Variants in NKAIN3 observed in about 807,000 individuals in gnomAD.
The protein encoded by NKAIN3 is sodium/potassium-transporting ATPase subunit beta-1-interacting protein 3.
Under a neutral mutation model 30.2 loss-of-function variants are expected in NKAIN3, and 25 were observed. The observed-to-expected ratio is 0.83, with a 90% CI of 0.60 to 1.16. NKAIN3 has a LOEUF of 1.16. Ranked by LOEUF, NKAIN3 falls within the 50% of genes most tolerant of loss-of-function variation. The pLI is 0.00. For synonymous variants in NKAIN3, 91 were observed against 89.6 expected (o/e 1.02, Z -0.09); for missense variants, 225 against 254.1 (o/e 0.89, Z 0.78).
At chr8:62,404,320 G>A (rs1348982060) in intron 1 of NKAIN3, among the ~76,000 whole-genome samples, 1 of 152,140 alleles carries the variant, frequency 6.6e-6, no homozygotes, top group Non-Finnish European at 1.5e-5. Context: ...TTTGAAATGC[G>A]AGGACATGAG....
At chr8:62,912,845 G>A (rs35187745) in intron 4 of NKAIN3, among the ~76,000 whole-genome samples, 16,058 of 152,050 alleles carry the variant, frequency 0.11, 945 homozygotes, top group East Asian at 0.17. Context: ...GGAGGCAGAG[G>A]TTTTGGTGAG....
At chr8:62,777,304 C>A (rs1395951343) in intron 4 of NKAIN3, among the ~76,000 whole-genome samples, 1 of 152,126 alleles carries the variant, frequency 6.6e-6, no homozygotes, top group Non-Finnish European at 1.5e-5. Flanking sequence ...TCTCTGTCTA[C>A]CTCCACTTTA....
intron 1 of NKAIN3, among the ~76,000 whole-genome samples, chr8:62,550,622 C>G (rs947519486): frequency 6.6e-6 from 1 of 152,148 alleles, no homozygotes; most frequent in Non-Finnish European, 1.5e-5. Context: ...GAGTAAAGTT[C>G]TCAAGGAAAA....
intron 3 of NKAIN3, among the ~76,000 whole-genome samples, chr8:62,734,971 C>T (rs1815601311): frequency 6.6e-6 from 1 of 152,168 alleles, no homozygotes; most frequent in Non-Finnish European, 1.5e-5. Flanking sequence ...TAGAAATCTG[C>T]GTTAATATGA....
intron 3 of NKAIN3, among the ~76,000 whole-genome samples, chr8:62,717,379 ATGTGTTGCTT>A (rs1390022506): frequency 2.4e-4 from 36 of 152,268 alleles, no homozygotes; most frequent in Admixed American, 7.8e-4. Context: ...CCTATGCTTT[ATGTGTTGCTT>A]TCATCAATTA....
rs552621157 is a variant in NKAIN3, at chr8:62,769,061, C to G, written c.471+21932C>G. 2.0e-5 allele frequency among the ~76,000 whole-genome samples: 3 copies of G among 152,260 alleles called. No individual in the cohort carries two copies. The East Asian group carries it at 5.8e-4, about 29-fold the overall frequency. ...CAATTGGCACTCTTGAAAATAAAAACCCATCTGTCCAAAACCATTTTTTCA... is the reference window on the plus strand; with the variant it reads ...CAATTGGCACTCTTGAAAATAAAAAGCCATCTGTCCAAAACCATTTTTTCA... On this transcript the variant is annotated intron_variant, in intron 4 of 6. Coordinates refer to ENST00000623646, the MANE Select transcript of NKAIN3 (RefSeq NM_001304533.3).
At chr8:62,746,714 A>G (rs1563543322) in intron 3 of NKAIN3, among the ~76,000 whole-genome samples, 1 of 152,236 alleles carries the variant, frequency 6.6e-6, no homozygotes, top group Non-Finnish European at 1.5e-5. Flanking sequence ...AAATGTTAAT[A>G]GTAATCAAAG....
chr8:62,631,061 G>A (rs1811942808), intron 3 of NKAIN3, among the ~76,000 whole-genome samples: 1 of 151,970 alleles, frequency 6.6e-6, no homozygotes. Flanking sequence ...CATTCCAATG[G>A]AGCTGCTCTC....
intron 1 of NKAIN3, among the ~76,000 whole-genome samples, chr8:62,295,801 T>C (rs1813807696): frequency 6.9e-6 from 1 of 143,914 alleles, no homozygotes; most frequent in Admixed American, 7.0e-5. Context: ...TTAATTATAT[T>C]TGTTTGTTTG....
chr8:62,315,867 C>A (rs1168154791), intron 1 of NKAIN3, among the ~76,000 whole-genome samples: 2 of 152,188 alleles, frequency 1.3e-5, no homozygotes, highest in African/African-American at 4.8e-5. Flanking sequence ...AAACAATTTT[C>A]TTCATGGCTT....
intron 1 of NKAIN3, among the ~76,000 whole-genome samples, chr8:62,571,857 C>T (rs891387165): frequency 1.3e-5 from 2 of 152,104 alleles, no homozygotes; most frequent in Non-Finnish European, 2.9e-5. Flanking sequence ...AATCCCTAGG[C>T]TGCACACAGC....
intron 1 of NKAIN3, among the ~76,000 whole-genome samples, chr8:62,393,405 A>G (rs541925071): frequency 1.3e-5 from 2 of 151,980 alleles, no homozygotes; most frequent in Non-Finnish European, 2.9e-5. Flanking sequence ...AAACCCATCT[A>G]CAATATAATA....
chr8:62,631,487 G>A (rs1811958149), intron 3 of NKAIN3, among the ~76,000 whole-genome samples: 1 of 152,122 alleles, frequency 6.6e-6, no homozygotes, highest in Non-Finnish European at 1.5e-5. Flanking sequence ...ATATGGTCAT[G>A]CCATTTCTGT....
chr8:62,783,219 T>C (rs191379145), intron 4 of NKAIN3, among the ~76,000 whole-genome samples: 3 of 152,254 alleles, frequency 2.0e-5, no homozygotes, highest in East Asian at 1.9e-4. Context: ...GTATAAACAG[T>C]GGGGTTTTTA....
intron 1 of NKAIN3, among the ~76,000 whole-genome samples, chr8:62,570,648 C>T (rs951638079): frequency 2.0e-5 from 3 of 152,132 alleles, no homozygotes; most frequent in African/African-American, 7.2e-5. Flanking sequence ...CATCTCCCAC[C>T]AGGTCCCTCC....
chr8:62,380,176 T>C (rs1817227512), intron 1 of NKAIN3, among the ~76,000 whole-genome samples: 2 of 152,234 alleles, frequency 1.3e-5, no homozygotes, highest in Admixed American at 1.3e-4. Flanking sequence ...GAATGAAATA[T>C]AGACAATGTA....
intron 4 of NKAIN3, among the ~76,000 whole-genome samples, chr8:62,827,990 C>T (rs1195839600): frequency 6.6e-6 from 1 of 151,936 alleles, no homozygotes; most frequent in Non-Finnish European, 1.5e-5. Flanking sequence ...TTATATGTGA[C>T]AGCTGGGAGC....
Position 62,707,121 on chromosome 8 carries a change from T to G in NKAIN3, c.274-39811T>G, listed in dbSNP as rs1404998679. On this transcript the variant is annotated intron_variant, in intron 3 of 6. Coordinates refer to ENST00000623646, the MANE Select transcript of NKAIN3 (RefSeq NM_001304533.3). Reference sequence around the variant, plus strand: ...TATAAAACACAGTCTCCTTATCCACTCATTGATTGATGAGCATTTTGGTTG... The same window carrying G: ...TATAAAACACAGTCTCCTTATCCACGCATTGATTGATGAGCATTTTGGTTG... Among the ~76,000 whole-genome samples the G allele has an allele frequency of 2.0e-5, 3 of 151,466 alleles. No individual in the cohort carries two copies. The East Asian group carries it at 5.8e-4, about 29-fold the overall frequency.
intron 4 of NKAIN3, among the ~76,000 whole-genome samples, chr8:62,850,867 T>A (rs940955013): frequency 5.9e-5 from 9 of 152,250 alleles, no homozygotes; most frequent in African/African-American, 2.2e-4. Context: ...AGCCTTGTAG[T>A]ATAGTTTGAA....
Sources: allele counts gnomAD v4.1 joint callset (sites outside exome capture counted in the v4.1 genomes callset), GRCh38; gene constraint gnomAD v4.1.1; transcripts MANE v1.5; gene names NCBI Gene and HGNC (gene_info 2026-07-23, HGNC 2026-07-21).